The following MICU1 variants were observed in gnomAD, a reference collection of about 807,000 sequenced individuals.
MICU1 encodes the protein calcium uptake protein 1, mitochondrial.
In MICU1, 45 loss-of-function variants were observed where a neutral mutation model predicts 56.8. That is an observed-to-expected ratio of 0.79 (90% CI 0.62 to 1.02). MICU1 has a LOEUF of 1.02. MICU1 is among the 50% of genes least tolerant of loss of function. MICU1 has a pLI of 0.00. For synonymous variants in MICU1, 186 were observed against 195.1 expected, an observed-to-expected ratio of 0.95 and a Z score of 0.39; for missense variants, 504 against 587.1, an observed-to-expected ratio of 0.86 and a Z score of 1.46.
At chr10:72,374,238 A>T (rs897602048) in intron 11 of MICU1, among the ~76,000 whole-genome samples, 2 of 152,200 alleles carry the variant, frequency 1.3e-5, no homozygotes, top group Non-Finnish European at 2.9e-5. Context: ...CTCTCACTTC[A>T]GCCTCCTGAG....
intron 4 of MICU1, among the ~76,000 whole-genome samples, chr10:72,543,574 G>A (rs1839825541): frequency 6.6e-6 from 1 of 152,134 alleles, no homozygotes; most frequent in Non-Finnish European, 1.5e-5. Flanking sequence ...GGATACTTAG[G>A]GACGAACGTG....
rs767464227 is a variant in MICU1, at chr10:72,551,339, C to A, written c.333G>T (p.Val111=). 2 of 1,600,004 alleles carry A rather than the reference C, an allele frequency of 1.3e-6. No individual in the cohort carries two copies. Among genetic ancestry groups the A allele is most frequent in the Non-Finnish European group, 1.7e-6 (2 of 1,173,994 alleles). ...KKRSGFRDRK[V]MEYENRIRAY... is the part of the protein sequence containing the mutation. ...CTCGAATCCTATTCTCATATTCCAT[C>A]ACCTAAAGTTAGAAATTTAGAAAGT... Residue 111 remains valine, a splice_region_variant and synonymous_variant, in exon 4 of 12, where the codon GTG becomes GTT. Coordinates refer to ENST00000361114, the MANE Select transcript of MICU1 (RefSeq NM_001195518.2).
rs1434949982 is a variant in MICU1, at chr10:72,475,952, T to C, written c.736-655A>G. 6.6e-6 allele frequency: 3 copies of C among 454,196 alleles called. No homozygotes were observed. The East Asian group carries it at 2.1e-4, about 32-fold the overall frequency. The allele number at this position is 454,196 out of a possible 1,614,324, so 28.1% of individuals were successfully genotyped here. Reference sequence around the variant, plus strand: ...ACTCAAAAACTCTCTCATGACCAGGTGTGGTGGCTCATGCCTATAATCCCA... The same window carrying C: ...ACTCAAAAACTCTCTCATGACCAGGCGTGGTGGCTCATGCCTATAATCCCA... On this transcript the variant is annotated intron_variant, in intron 7 of 11. Transcript: ENST00000361114.
At chr10:72,456,433 GT>G (rs1176002002) in intron 8 of MICU1, among the ~76,000 whole-genome samples, 1 of 152,172 alleles carries the variant, frequency 6.6e-6, no homozygotes, top group Non-Finnish European at 1.5e-5. Context: ...TGGATTCCCT[GT>G]TGGCTGTGCT....
At chr10:72,622,254 A>C (rs1354386711) in intron 1 of MICU1, among the ~76,000 whole-genome samples, 1 of 149,228 alleles carries the variant, frequency 6.7e-6, no homozygotes, top group African/African-American at 2.5e-5. Context: ...AAAAAAAAAA[A>C]CATGAAAATT....
At chr10:72,533,339 A>G (rs1321554090) in intron 5 of MICU1, among the ~76,000 whole-genome samples, 2 of 152,246 alleles carry the variant, frequency 1.3e-5, no homozygotes, top group Non-Finnish European at 2.9e-5. Flanking sequence ...CAAAAGCACT[A>G]CAAGGACCTT....
chr10:72,512,718 G>GTTTTGTTT (rs60662039), intron 5 of MICU1, among the ~76,000 whole-genome samples: 1 of 151,550 alleles, frequency 6.6e-6, no homozygotes, highest in Non-Finnish European at 1.5e-5. Context: ...GTTTTGTTTT[G>GTTTTGTTT]AGACAGTGTC....
Position 72,557,664 on chromosome 10 carries a change from G to A in MICU1, c.330+5231C>T, listed in dbSNP as rs533296181. Among the ~76,000 whole-genome samples, 12 of 152,168 alleles carry A rather than the reference G, an allele frequency of 7.9e-5. No homozygotes were observed. In the South Asian group the frequency reaches 8.3e-4, roughly 11 times the overall value. ...TGAGTAACTAGTTGTATGATTTTAG[G>A]CAAGCTACTAAACTCCTTCACACAA... On this transcript the variant is annotated intron_variant, in intron 3 of 11. Transcript: ENST00000361114.
intron 8 of MICU1, among the ~76,000 whole-genome samples, chr10:72,466,326 TATGAACTG>T (rs150418115): frequency 0.041 from 6,223 of 152,218 alleles, 406 homozygotes; most frequent in African/African-American, 0.14. Context: ...ATCTGAAACT[TATGAACTG>T]TTTATTTCTG....
chr10:72,487,323 C>G (rs1866507011), intron 6 of MICU1, among the ~76,000 whole-genome samples: 2 of 152,242 alleles, frequency 1.3e-5, no homozygotes, highest in South Asian at 4.1e-4. Context: ...GACCAACTTT[C>G]CATTTGATGA....
intron 5 of MICU1, among the ~76,000 whole-genome samples, chr10:72,517,108 C>G (rs901812263): frequency 6.6e-6 from 1 of 152,110 alleles, no homozygotes; most frequent in Non-Finnish European, 1.5e-5. Flanking sequence ...TCAAGTTACT[C>G]AAAGCTAGGA....
At chr10:72,616,782 T>C (rs1841993890) in intron 1 of MICU1, among the ~76,000 whole-genome samples, 2 of 152,316 alleles carry the variant, frequency 1.3e-5, no homozygotes, top group African/African-American at 4.8e-5. Context: ...AGCAGAATAC[T>C]TGAGACGGAT....
intron 10 of MICU1, among the ~76,000 whole-genome samples, chr10:72,394,619 C>A (rs1333323711): frequency 1.3e-5 from 2 of 150,252 alleles, no homozygotes; most frequent in African/African-American, 4.9e-5. Context: ...AAGACTCTGT[C>A]TCAAAAAGAA....
intron 6 of MICU1, among the ~76,000 whole-genome samples, chr10:72,495,419 C>T (rs1345358654): frequency 6.6e-6 from 1 of 152,008 alleles, no homozygotes; most frequent in African/African-American, 2.4e-5. Context: ...ACTTTGGGAG[C>T]CCAAGGCGGA....
chr10:72,440,906 T>C (rs996017136), intron 8 of MICU1, among the ~76,000 whole-genome samples: 3 of 151,936 alleles, frequency 2.0e-5, no homozygotes, highest in Non-Finnish European at 4.4e-5. Context: ...AACAACAGAT[T>C]CTGGAGAGGA....
chr10:72,449,671 C>A (rs1486193373), intron 8 of MICU1, among the ~76,000 whole-genome samples: 1 of 151,846 alleles, frequency 6.6e-6, no homozygotes, highest in African/African-American at 2.4e-5. Context: ...TTTTTAAAAG[C>A]AACTTAAGAA....
intron 8 of MICU1, among the ~76,000 whole-genome samples, chr10:72,445,715 G>T (rs1281023398): frequency 6.6e-6 from 1 of 152,154 alleles, no homozygotes; most frequent in Non-Finnish European, 1.5e-5. Flanking sequence ...GCAGACTTGG[G>T]TTTGGTTTTT....
At chr10:72,383,054 C>T (rs901349316) in intron 10 of MICU1, among the ~76,000 whole-genome samples, 1 of 152,032 alleles carries the variant, frequency 6.6e-6, no homozygotes, top group Admixed American at 6.6e-5. Context: ...CCAGCCTGGG[C>T]AATAGAGGAA....
intron 9 of MICU1, among the ~76,000 whole-genome samples, chr10:72,410,279 A>G (rs1205432183): frequency 6.6e-6 from 1 of 152,226 alleles, no homozygotes; most frequent in African/African-American, 2.4e-5. Flanking sequence ...ATTTTTGGCA[A>G]TTATGAACAG....
Sources: allele counts gnomAD v4.1 joint callset (sites outside exome capture counted in the v4.1 genomes callset), GRCh38; gene constraint gnomAD v4.1.1; transcripts MANE v1.5; gene names NCBI Gene and HGNC (gene_info 2026-07-23, HGNC 2026-07-21).